The following CNTNAP2 variants were observed in gnomAD, a reference collection of about 807,000 sequenced individuals.
CNTNAP2 encodes the protein contactin associated protein 2.
Under a neutral mutation model 155.2 loss-of-function variants are expected in CNTNAP2, and 98 were observed. That is an observed-to-expected ratio of 0.63 (90% CI 0.54 to 0.75). The LOEUF is 0.75. CNTNAP2 is among the 30% of genes least tolerant of loss of function. CNTNAP2 has a pLI of 0.00. For missense variants in CNTNAP2, 1,727 were observed against 1,688.1 expected, an observed-to-expected ratio of 1.02 and a Z score of -0.40; for synonymous variants, 651 against 631.2, an observed-to-expected ratio of 1.03 and a Z score of -0.47.
intron 12 of CNTNAP2, among the ~76,000 whole-genome samples, chr7:147,629,442 TA>T (rs1184587473): frequency 6.8e-6 from 1 of 146,408 alleles, no homozygotes; most frequent in Non-Finnish European, 1.5e-5. Context: ...ATAATAATAA[TA>T]ATAATAGACA....
Position 147,800,826 on chromosome 7 carries a change from A to G in CNTNAP2, c.2099-102739A>G, listed in dbSNP as rs767143103. Among the ~76,000 whole-genome samples the G allele has an allele frequency of 2.2e-4, 33 of 152,310 alleles. No homozygotes were observed. The Middle Eastern group carries it at 0.01, about 47-fold the overall frequency. On this transcript the variant is annotated intron_variant, in intron 13 of 23. Transcript: ENST00000361727. ...GCCATATTACTACTGTACTTTTTCT[A>G]TGTTTAGATATACACATAGTTACTA...
intron 3 of CNTNAP2, among the ~76,000 whole-genome samples, chr7:146,985,484 A>AT (rs36058852): frequency 0.21 from 30,918 of 150,270 alleles, 3,864 homozygotes; most frequent in Non-Finnish European, 0.27. Flanking sequence ...TGCCCGGCTA[A>AT]TTTTTTTTTG....
intron 1 of CNTNAP2, among the ~76,000 whole-genome samples, chr7:146,320,003 C>T (rs184169975): frequency 1.3e-5 from 2 of 151,156 alleles, no homozygotes; most frequent in East Asian, 3.9e-4. Context: ...TCGCCCCCCC[C>T]ACCCCAGTTT....
chr7:147,823,676 A>G (rs191015655), intron 13 of CNTNAP2, among the ~76,000 whole-genome samples: 93 of 152,156 alleles, frequency 6.1e-4, no homozygotes, highest in African/African-American at 2.0e-3. Context: ...ACACATTAGC[A>G]GTAACCTGCA....
At chr7:148,152,871 A>T (rs1339870748) in intron 17 of CNTNAP2, among the ~76,000 whole-genome samples, 1 of 151,978 alleles carries the variant, frequency 6.6e-6, no homozygotes, top group East Asian at 1.9e-4. Context: ...ATACAAAAAA[A>T]TTAGCCAGGT....
intron 21 of CNTNAP2, among the ~76,000 whole-genome samples, chr7:148,329,194 T>C (rs1304955572): frequency 1.3e-5 from 2 of 152,106 alleles, no homozygotes; most frequent in Non-Finnish European, 2.9e-5. Context: ...TGAAAATTGC[T>C]GAAAGCTTCC....
At chr7:146,437,738 T>C (rs138543130) in intron 1 of CNTNAP2, among the ~76,000 whole-genome samples, 18 of 151,778 alleles carry the variant, frequency 1.2e-4, no homozygotes, top group African/African-American at 4.4e-4. Context: ...TAATGCCTGC[T>C]AAACATTCCA....
intron 11 of CNTNAP2, among the ~76,000 whole-genome samples, chr7:147,520,507 A>G (rs560914863): frequency 2.6e-5 from 4 of 152,304 alleles, no homozygotes; most frequent in African/African-American, 9.6e-5. Flanking sequence ...TGCTCTGTCC[A>G]TTAGGTAAAT....
At chr7:148,338,154 T>A (rs1644374278) in intron 21 of CNTNAP2, among the ~76,000 whole-genome samples, 1 of 152,196 alleles carries the variant, frequency 6.6e-6, no homozygotes. Context: ...GTTTGCCTTT[T>A]CCACAATGTC....
intron 10 of CNTNAP2, among the ~76,000 whole-genome samples, chr7:147,432,530 T>C (rs1448479569): frequency 6.6e-6 from 1 of 152,242 alleles, no homozygotes; most frequent in African/African-American, 2.4e-5. Flanking sequence ...GTTGTGAGTC[T>C]CATTGGTTAT....
chr7:147,980,201 T>C (rs1311112925), intron 15 of CNTNAP2, among the ~76,000 whole-genome samples: 3 of 152,156 alleles, frequency 2.0e-5, no homozygotes, highest in Non-Finnish European at 4.4e-5. Context: ...CTTTGTAATA[T>C]AAAATTATTG....
At chr7:147,550,717 C>T (rs1357405806) in intron 11 of CNTNAP2, among the ~76,000 whole-genome samples, 1 of 152,140 alleles carries the variant, frequency 6.6e-6, no homozygotes, top group Non-Finnish European at 1.5e-5. Flanking sequence ...CAATGCCAGG[C>T]AACTGTAGAG....
At chr7:148,124,218 G>T (rs554487517) in intron 16 of CNTNAP2, among the ~76,000 whole-genome samples, 1 of 152,274 alleles carries the variant, frequency 6.6e-6, no homozygotes, top group Admixed American at 6.5e-5. Flanking sequence ...AGCGTAAACC[G>T]CCCACTAGGA....
At chr7:146,948,957 A>G (rs12532127) in intron 3 of CNTNAP2, among the ~76,000 whole-genome samples, 35,736 of 152,102 alleles carry the variant, frequency 0.23, 5,220 homozygotes, top group Non-Finnish European at 0.32. Flanking sequence ...GGGAAGTGTG[A>G]TGGAGAGGAA....
chr7:147,396,358 A>T (rs138254922), intron 10 of CNTNAP2, among the ~76,000 whole-genome samples: 1 of 151,732 alleles, frequency 6.6e-6, no homozygotes, highest in Non-Finnish European at 1.5e-5. Flanking sequence ...TTCTGTCTCA[A>T]TCATGACTTG....
At chr7:148,187,109 TACACACACACAC>T (rs142565546) in intron 18 of CNTNAP2, among the ~76,000 whole-genome samples, 5 of 49,310 alleles carry the variant, frequency 1.0e-4, no homozygotes, top group Admixed American at 7.2e-4. Context: ...CAAGGAAACA[TACACACACACAC>T]ACACACACAC....
At chr7:146,514,431 T>C (rs1797512027) in intron 1 of CNTNAP2, among the ~76,000 whole-genome samples, 1 of 152,094 alleles carries the variant, frequency 6.6e-6, no homozygotes, top group Non-Finnish European at 1.5e-5. Context: ...ATTATTTTTC[T>C]CCTGTGACTC....
At chr7:147,842,326 G>A (rs973202249) in intron 13 of CNTNAP2, among the ~76,000 whole-genome samples, 2 of 152,164 alleles carry the variant, frequency 1.3e-5, no homozygotes, top group East Asian at 1.9e-4. Context: ...TTTTGATACA[G>A]ACAATTTGTT....
At chr7:147,730,234 A>T (rs932817076) in intron 13 of CNTNAP2, among the ~76,000 whole-genome samples, 6 of 152,136 alleles carry the variant, frequency 3.9e-5, no homozygotes, top group Non-Finnish European at 7.4e-5. Flanking sequence ...AAGGGCAGAT[A>T]AAATCCAATC....
Sources: gnomAD v4.1 joint callset for allele counts (sites outside exome capture counted in the v4.1 genomes callset) on GRCh38, gnomAD v4.1.1 for gene constraint, MANE v1.5 for transcripts, NCBI Gene and HGNC (gene_info 2026-07-23, HGNC 2026-07-21) for gene names.